Variants in MIPOL1 observed in about 807,000 individuals in gnomAD.
MIPOL1 encodes mirror-image polydactyly gene 1 protein.
In MIPOL1, 57 loss-of-function variants were observed where a neutral mutation model predicts 60.9. The ratio of observed to expected loss-of-function variants is 0.94; its 90% confidence interval spans 0.76 to 1.17. MIPOL1 has a LOEUF of 1.17. Among genes scored for constraint, MIPOL1 ranks in the 50% most tolerant of loss-of-function variants. The probability of loss-of-function intolerance (pLI) is 0.00; values close to 1 mark genes in which losing one functional copy is unlikely to be tolerated. For synonymous variants in MIPOL1, 179 were observed against 168.8 expected, an observed-to-expected ratio of 1.06 and a Z score of -0.47; for missense variants, 551 against 511.6, an observed-to-expected ratio of 1.08 and a Z score of -0.74.
chr14:37,535,128 A>C (rs1007648613), intron 12 of MIPOL1, among the ~76,000 whole-genome samples: 6 of 152,296 alleles, frequency 3.9e-5, no homozygotes, highest in African/African-American at 1.4e-4. Context: ...TTTTATATCC[A>C]ACGTTTATGT....
chr14:37,294,144 G>A (rs547430731), intron 7 of MIPOL1, among the ~76,000 whole-genome samples: 5 of 152,212 alleles, frequency 3.3e-5, no homozygotes, highest in South Asian at 4.2e-4. Flanking sequence ...CAGCATTTGC[G>A]GTTCACCAAT....
chr14:37,315,025 A>G (rs2087725137), intron 9 of MIPOL1, among the ~76,000 whole-genome samples: 1 of 127,954 alleles, frequency 7.8e-6, no homozygotes, highest in Admixed American at 9.0e-5. Context: ...GAACAAACAA[A>G]TAAATAAAGT....
intron 1 of MIPOL1, among the ~76,000 whole-genome samples, chr14:37,206,604 A>C (rs1966130528): frequency 1.3e-5 from 2 of 152,168 alleles, no homozygotes; most frequent in Non-Finnish European, 2.9e-5. Flanking sequence ...ATCCACTGAC[A>C]GCTTGCACCA....
At chr14:37,350,994 G>T (rs2153472777) in intron 9 of MIPOL1, among the ~76,000 whole-genome samples, 1 of 150,540 alleles carries the variant, frequency 6.6e-6, no homozygotes, top group South Asian at 2.1e-4. Context: ...TGCCATGCTG[G>T]TGCACTGCAC....
At chr14:37,481,974 A>G (rs948016804) in intron 11 of MIPOL1, among the ~76,000 whole-genome samples, 6 of 152,210 alleles carry the variant, frequency 3.9e-5, no homozygotes, top group Non-Finnish European at 7.3e-5. Context: ...GCCAGAAACT[A>G]TAAAACTACT....
At chr14:37,310,401 C>T (rs999084115) in intron 9 of MIPOL1, among the ~76,000 whole-genome samples, 1 of 152,098 alleles carries the variant, frequency 6.6e-6, no homozygotes, top group Admixed American at 6.6e-5. Flanking sequence ...TTAGTTATCT[C>T]ACCTCTCCTC....
At position 37,427,453 on chromosome 14, in the gene MIPOL1, A is replaced by G. The variant is rs144022058; in HGVS notation, c.1031+4504A>G. The stretch of plus-strand genomic sequence containing the variant: ...ATAAGAGTGGGGAATTATATGATTT[A>G]CATAGAGTGGGATGATGAAAAGTTG... On this transcript the variant is annotated intron_variant, in intron 11 of 12. Transcript: ENST00000684589. Among the ~76,000 whole-genome samples the G allele has an allele frequency of 5.5e-3, 833 of 152,296 alleles. 6 individuals carry two copies. The highest frequency in any genetic ancestry group is 9.4e-3 in the Non-Finnish European group (638 of 68,018).
At position 37,304,292 on chromosome 14, in the gene MIPOL1, T is replaced by C. The variant is rs552381975; in HGVS notation, c.624-3764T>C. Among the ~76,000 whole-genome samples, 43 of 151,902 alleles carry C rather than the reference T, an allele frequency of 2.8e-4. 2 individuals carry two copies. The South Asian group carries it at 7.7e-3, about 27-fold the overall frequency. ...TGTCTGCTTTGTCTTATTCTGCCTC[T>C]CTCTGCTTTTCTTTACCCCTTGGCT... On this transcript the variant is annotated intron_variant, in intron 7 of 12. Transcript: ENST00000684589.
In MIPOL1 at chr14:37,285,416, C is replaced by T. The variant is rs767945841; in HGVS notation, c.592C>T (p.Arg198Ter). ...TGAGGAGAGAGATGAAGCAATTGCA[C>T]GAGCCAAGCATATGGAAATGTCTCT... is the stretch of plus-strand genomic sequence containing the variant. ...AIEERDEAIA[R>*]AKHMEMSLKV... The change falls in exon 7 of 13, where the codon CGA becomes TGA. Residue 198 changes from arginine to a stop codon, truncating the protein, a stop_gained. Coordinates refer to ENST00000684589, the MANE Select transcript of MIPOL1 (RefSeq NM_001388067.1). LOFTEE classifies it high-confidence loss of function. 4.5e-5 allele frequency: 73 copies of T among 1,613,520 alleles called. No individual in the cohort carries two copies. The highest frequency in any genetic ancestry group is 6.7e-5 in the Admixed American group (4 of 59,962).
intron 12 of MIPOL1, among the ~76,000 whole-genome samples, chr14:37,545,264 G>A (rs992354823): frequency 1.3e-5 from 2 of 152,262 alleles, no homozygotes; most frequent in African/African-American, 2.4e-5. Flanking sequence ...AAATTTCATA[G>A]TGTAGTTCTA....
At chr14:37,200,367 T>C (rs915885793) in intron 1 of MIPOL1, among the ~76,000 whole-genome samples, 1 of 152,208 alleles carries the variant, frequency 6.6e-6, no homozygotes, top group Non-Finnish European at 1.5e-5. Flanking sequence ...TTTAGGCACA[T>C]GGAAATTTTA....
At chr14:37,282,624 C>G (rs531793263) in intron 6 of MIPOL1, among the ~76,000 whole-genome samples, 1 of 151,518 alleles carries the variant, frequency 6.6e-6, no homozygotes, top group African/African-American at 2.4e-5. Flanking sequence ...CACTTGAGCC[C>G]AGAAATTTGA....
chr14:37,429,901 C>T (rs1194929127), intron 11 of MIPOL1, among the ~76,000 whole-genome samples: 9 of 151,906 alleles, frequency 5.9e-5, no homozygotes, highest in Admixed American at 3.9e-4. Flanking sequence ...GTCAGAACTA[C>T]GAGTTGATAA....
intron 12 of MIPOL1, among the ~76,000 whole-genome samples, chr14:37,534,646 A>T (rs1298879652): frequency 6.6e-6 from 1 of 152,178 alleles, no homozygotes; most frequent in Non-Finnish European, 1.5e-5. Flanking sequence ...GTTACATATG[A>T]TTTAAATATC....
At chr14:37,494,444 G>GTAGAAGCAA (rs2095088955) in intron 11 of MIPOL1, among the ~76,000 whole-genome samples, 1 of 152,174 alleles carries the variant, frequency 6.6e-6, no homozygotes, top group South Asian at 2.1e-4. Context: ...ACTTTGTCAG[G>GTAGAAGCAA]TAGAAGCATG....
At chr14:37,480,094 A>C (rs1031903705) in intron 11 of MIPOL1, among the ~76,000 whole-genome samples, 1 of 151,990 alleles carries the variant, frequency 6.6e-6, no homozygotes, top group Non-Finnish European at 1.5e-5. Context: ...TTCACTGCTG[A>C]ATTCAACCAA....
At chr14:37,348,983 CTTTTTTTT>C (rs11347957) in intron 9 of MIPOL1, among the ~76,000 whole-genome samples, 11 of 74,144 alleles carry the variant, frequency 1.5e-4, no homozygotes, top group Non-Finnish European at 2.4e-4. Context: ...CCAGCTAATT[CTTTTTTTT>C]TTTTTTTTTT....
intron 1 of MIPOL1, among the ~76,000 whole-genome samples, chr14:37,225,080 G>C (rs1482293082): frequency 1.3e-5 from 2 of 152,158 alleles, no homozygotes; most frequent in Admixed American, 1.3e-4. Context: ...GCAAGAGGTG[G>C]GTTCCCATGG....
intron 3 of MIPOL1, among the ~76,000 whole-genome samples, chr14:37,249,912 G>A (rs184948480): frequency 6.6e-6 from 1 of 152,150 alleles, no homozygotes; most frequent in East Asian, 1.9e-4. Context: ...TAAAATTAGA[G>A]ACCAAACGAT....
Sources: gnomAD v4.1 joint callset for allele counts (sites outside exome capture counted in the v4.1 genomes callset) on GRCh38, gnomAD v4.1.1 for gene constraint, MANE v1.5 for transcripts, NCBI Gene and HGNC (gene_info 2026-07-23, HGNC 2026-07-21) for gene names.